The following RIT2 variants were observed in gnomAD, a reference collection of about 807,000 sequenced individuals.
RIT2 encodes GTP-binding protein Rit2.
In RIT2, 24 loss-of-function variants were observed where a neutral mutation model predicts 23.7. The ratio of observed to expected loss-of-function variants is 1.01; its 90% confidence interval spans 0.73 to 1.43. The LOEUF (loss-of-function observed/expected upper bound fraction) is 1.43, where lower values mean the gene tolerates loss of function less well. Among genes scored for constraint, RIT2 ranks in the 40% most tolerant of loss-of-function variants. RIT2 has a pLI of 0.00. For synonymous variants in RIT2, 107 were observed against 91.1 expected, an observed-to-expected ratio of 1.17 and a Z score of -0.99; for missense variants, 236 against 266.9, an observed-to-expected ratio of 0.88 and a Z score of 0.81.
intron 4 of RIT2, among the ~76,000 whole-genome samples, chr18:42,824,090 T>A (rs955175231): frequency 2.0e-5 from 3 of 152,146 alleles, no homozygotes; most frequent in Admixed American, 1.3e-4. Flanking sequence ...TAAAAAATCA[T>A]GAGAAAATAA....
intron 4 of RIT2, among the ~76,000 whole-genome samples, chr18:42,805,975 T>A (rs572996662): frequency 4.3e-4 from 65 of 152,048 alleles, no homozygotes; most frequent in African/African-American, 1.4e-3. Flanking sequence ...ACTCACCATT[T>A]AACGACACAA....
intron 4 of RIT2, among the ~76,000 whole-genome samples, chr18:42,782,602 A>G (rs1005088421): frequency 6.6e-6 from 1 of 152,160 alleles, no homozygotes; most frequent in Non-Finnish European, 1.5e-5. Context: ...TTAGACAAAG[A>G]AAAGAATAGC....
intron 4 of RIT2, among the ~76,000 whole-genome samples, chr18:42,835,295 C>T (rs1308245620): frequency 6.6e-6 from 1 of 151,844 alleles, no homozygotes; most frequent in Non-Finnish European, 1.5e-5. Flanking sequence ...ATTTGTTCTA[C>T]TACAGTAATC....
chr18:43,037,245 A>G (rs1301794827), intron 1 of RIT2, among the ~76,000 whole-genome samples: 1 of 152,230 alleles, frequency 6.6e-6, no homozygotes. Flanking sequence ...AGAAAATACC[A>G]GCATAAGTCA....
At chr18:43,022,103 C>G (rs1035173854) in intron 2 of RIT2, among the ~76,000 whole-genome samples, 5 of 152,064 alleles carry the variant, frequency 3.3e-5, no homozygotes, top group Middle Eastern at 3.2e-3. Context: ...GATACATAAA[C>G]ACAATGGAAT....
At chr18:43,063,728 A>C (rs143082250) in intron 1 of RIT2, among the ~76,000 whole-genome samples, 1,862 of 152,268 alleles carry the variant, frequency 0.012, 37 homozygotes, top group African/African-American at 0.041. Flanking sequence ...AAAAATGAGA[A>C]CTAAAATATT....
chr18:43,020,371 G>C (rs1036193311), intron 2 of RIT2, among the ~76,000 whole-genome samples: 8 of 151,926 alleles, frequency 5.3e-5, no homozygotes, highest in African/African-American at 1.9e-4. Flanking sequence ...TGTTGTCCCA[G>C]CTACCTTGGG....
chr18:43,064,730 A>G (rs1411258985), intron 1 of RIT2, among the ~76,000 whole-genome samples: 1 of 152,224 alleles, frequency 6.6e-6, no homozygotes, highest in Non-Finnish European at 1.5e-5. Flanking sequence ...CTCATTCTAA[A>G]TAAGGTGACT....
chr18:42,949,707 C>T lies in RIT2; in HGVS notation c.234+24367G>A, dbSNP rs1777505026. The stretch of plus-strand genomic sequence containing the variant: ...TCTGACAACTTTCACAAAGAATATT[C>T]AGAGGTACAGAACTACTTGGGGCTT... On this transcript the variant is annotated intron_variant, in intron 3 of 4. Coordinates refer to ENST00000326695, the MANE Select transcript of RIT2 (RefSeq NM_002930.4). Among the ~76,000 whole-genome samples the T allele has an allele frequency of 1.3e-5, 2 of 152,034 alleles. 1 individual carries two copies. The highest frequency in any genetic ancestry group is 4.1e-4 in the South Asian group (2 of 4,826).
intron 2 of RIT2, among the ~76,000 whole-genome samples, chr18:42,998,244 T>G (rs2144238111): frequency 6.6e-6 from 1 of 152,272 alleles, no homozygotes; most frequent in Non-Finnish European, 1.5e-5. Flanking sequence ...TATTATTTTC[T>G]TTGTGAAGGT....
intron 4 of RIT2, among the ~76,000 whole-genome samples, chr18:42,823,495 A>C: frequency 6.6e-6 from 1 of 152,178 alleles, no homozygotes; most frequent in East Asian, 1.9e-4. Context: ...TGATTAAATA[A>C]CTGCTAATAT....
At chr18:42,897,835 G>A (rs1598705498) in intron 4 of RIT2, among the ~76,000 whole-genome samples, 1 of 152,176 alleles carries the variant, frequency 6.6e-6, no homozygotes, top group Admixed American at 6.5e-5. Flanking sequence ...ATGCCTGGAT[G>A]TAAATAATTA....
chr18:42,862,811 T>C (rs560489730), intron 4 of RIT2, among the ~76,000 whole-genome samples: 69 of 152,306 alleles, frequency 4.5e-4, no homozygotes, highest in Non-Finnish European at 8.2e-4. Flanking sequence ...TCATTTTTCA[T>C]TGCAATTCAA....
intron 1 of RIT2, among the ~76,000 whole-genome samples, chr18:43,067,285 C>T (rs4417618): frequency 0.061 from 9,342 of 152,064 alleles, 493 homozygotes; most frequent in East Asian, 0.25. Flanking sequence ...AAAACAAGAA[C>T]GTTGACAAAA....
chr18:42,932,345 A>G (rs1367110626), intron 3 of RIT2, among the ~76,000 whole-genome samples: 1 of 152,034 alleles, frequency 6.6e-6, no homozygotes. Flanking sequence ...AAATCCATCC[A>G]TTTCACTATC....
chr18:42,870,307 C>A (rs897431966), intron 4 of RIT2, among the ~76,000 whole-genome samples: 1 of 152,038 alleles, frequency 6.6e-6, no homozygotes, highest in African/African-American at 2.4e-5. Flanking sequence ...GTGGTGCGAT[C>A]TCGGCTCAGT....
intron 3 of RIT2, among the ~76,000 whole-genome samples, chr18:42,936,138 C>T (rs1279908011): frequency 6.6e-6 from 1 of 152,008 alleles, no homozygotes; most frequent in Admixed American, 6.6e-5. Flanking sequence ...TGCCTCCAGA[C>T]CCAGGTGTTT....
At chr18:42,943,732 G>C (rs1909660305) in intron 3 of RIT2, among the ~76,000 whole-genome samples, 1 of 152,196 alleles carries the variant, frequency 6.6e-6, no homozygotes, top group African/African-American at 2.4e-5. Flanking sequence ...AATTGGTTTT[G>C]TGATATTATT....
chr18:43,025,728 C>G (rs1045921646), intron 2 of RIT2, among the ~76,000 whole-genome samples: 5 of 152,142 alleles, frequency 3.3e-5, no homozygotes, highest in African/African-American at 1.2e-4. Context: ...TGTGAAATAA[C>G]TCAAATAGAA....
Sources: gnomAD v4.1 joint callset for allele counts (sites outside exome capture counted in the v4.1 genomes callset) on GRCh38, gnomAD v4.1.1 for gene constraint, MANE v1.5 for transcripts, NCBI Gene and HGNC (gene_info 2026-07-23, HGNC 2026-07-21) for gene names.